NFKB2: variants seen among roughly 807,000 people sequenced by gnomAD.
NFKB2 encodes nuclear factor NF-kappa-B p100 subunit.
Under a neutral mutation model 109.3 loss-of-function variants are expected in NFKB2, and 21 were observed. The observed-to-expected ratio is 0.19, with a 90% CI of 0.14 to 0.28. The LOEUF is 0.28. Among genes scored for constraint, NFKB2 ranks in the 10% least tolerant of loss-of-function variants. The pLI is 1.00. For missense variants in NFKB2, 806 were observed against 1,185.3 expected, an observed-to-expected ratio of 0.68 and a Z score of 4.70; for synonymous variants, 478 against 489.9, an observed-to-expected ratio of 0.98 and a Z score of 0.32.
chr10:102,399,473 C>A lies in NFKB2; in HGVS notation c.1303C>A (p.Gln435Lys), dbSNP rs2061183115. 8 of 1,496,908 alleles carry A rather than the reference C, an allele frequency of 5.3e-6. No individual in the cohort carries two copies. Among genetic ancestry groups the A allele is most frequent in the Non-Finnish European group, 7.1e-6 (8 of 1,121,454 alleles). 92.7% of individuals were successfully genotyped at this position (1,496,908 alleles called of 1,614,324 possible). The stretch of plus-strand genomic sequence containing the variant: ...CTCCAGGACCCCCCAGTGCGAGCCG[C>A]AGGCCCCGGAGATGCTGCAGCGAGG... ...APSRTPQCEPQAPEMLQRARE... is the reference protein window; with the variant it reads ...APSRTPQCEPKAPEMLQRARE... The change falls in exon 13 of 23, where the codon CAG becomes AAG. Residue 435 changes from glutamine (Q) to lysine (K), a missense_variant. By Grantham distance (53) the Gln-to-Lys change is moderately conservative. Around this residue, in one of 10 missense-constraint regions of NFKB2, gnomAD observed 209 missense variants for 211.9 expected, o/e 0.99. Coordinates refer to ENST00000661543, the MANE Select transcript of NFKB2 (RefSeq NM_001322934.2).
chr10:102,396,081 G>A lies in NFKB2; in HGVS notation c.21+101G>A. 6.5e-7 allele frequency: 1 copy of A among 1,531,726 alleles called. No homozygotes were observed. The highest frequency in any genetic ancestry group is 2.3e-5 in the East Asian group (1 of 44,300). 94.9% of individuals were successfully genotyped at this position (1,531,726 alleles called of 1,614,324 possible). On this transcript the variant is annotated intron_variant, in intron 2 of 22. Coordinates refer to ENST00000661543, the MANE Select transcript of NFKB2 (RefSeq NM_001322934.2). This position sits in a 1 kb window ranked among gnomAD's most constrained non-coding sequence, Gnocchi z 5.9. ...GCTGCCTTACACCTGTATGCTCGCAGATGCTCTCAGCCTGCCAGTCTGTCC... is the reference window on the plus strand; with the variant it reads ...GCTGCCTTACACCTGTATGCTCGCAAATGCTCTCAGCCTGCCAGTCTGTCC...
At position 102,396,160 on chromosome 10, in the gene NFKB2, G is replaced by A. The variant is rs1037624530; in HGVS notation, c.22-93G>A. ...AGCTTTCTCTTGGGTCTGAGGAGGA[G>A]GGGGGAGTGACCACTGAAGACTTGG... On this transcript the variant is annotated intron_variant, in intron 2 of 22. Transcript: ENST00000661543. The surrounding 1 kb of genome is among the most constrained non-coding windows in gnomAD (Gnocchi z 5.9). 2 of 1,469,786 alleles carry A rather than the reference G, an allele frequency of 1.4e-6. No homozygotes were observed. The highest frequency in any genetic ancestry group is 1.4e-5 in the African/African-American group (1 of 72,124). 91.0% of individuals were successfully genotyped at this position (1,469,786 alleles called of 1,614,324 possible).
At chr10:102,394,859 CCACCGGTG>C (rs1437382810), upstream of NFKB2, 1 of 152,344 alleles carries the variant, frequency 6.6e-6, no homozygotes, top group African/African-American at 2.4e-5. Flanking sequence ...GGAGACGTGC[CCACCGGTG>C]CACTGGTGCC....
Position 102,399,394 on chromosome 10 carries a change from C to A in NFKB2, c.1224C>A (p.Ala408=), listed in dbSNP as rs1260120488. ...YPGGGGGAQM[A]ATVPSRDSGE... ...GAGGCGGGGGCGGGGCGCAGATGGCCGCCACGGTGCCCAGCAGGGACTCCG... is the reference window on the plus strand; with the variant it reads ...GAGGCGGGGGCGGGGCGCAGATGGCAGCCACGGTGCCCAGCAGGGACTCCG... Residue 408 remains alanine (A), a synonymous_variant, in exon 13 of 23, where the codon GCC becomes GCA. Coordinates refer to ENST00000661543, the MANE Select transcript of NFKB2 (RefSeq NM_001322934.2). The A allele has an allele frequency of 6.5e-7, 1 of 1,540,736 alleles. No individual in the cohort carries two copies. The highest frequency in any genetic ancestry group is 8.8e-7 in the Non-Finnish European group (1 of 1,142,302).
rs1297472674 is a variant in NFKB2 at position 102,396,291 on chromosome 10, G to C, written c.60G>C (p.Leu20Phe). 6.2e-7 allele frequency: 1 copy of C among 1,613,058 alleles called. No individual in the cohort carries two copies. The highest frequency in any genetic ancestry group is 1.7e-5 in the Admixed American group (1 of 59,990). ...TTATTGAATATGATGATTTCAAATT[G>C]AACTCCTCCATTGTGGAACCCAAGG... Reference protein sequence around the residue: ...DGIIEYDDFKLNSSIVEPKEP... With the variant: ...DGIIEYDDFKFNSSIVEPKEP... The change falls in exon 3 of 23, where the codon TTG (leucine) becomes TTC (phenylalanine). Residue 20 changes from leucine (L) to phenylalanine (F), a missense_variant. This residue lies in a region of NFKB2 where 39 missense variants were observed against 35.6 expected (regional missense o/e 1.09). Transcript: ENST00000661543. The surrounding 1 kb of genome is among the most constrained non-coding windows in gnomAD (Gnocchi z 5.9).
At chr10:102,394,977 C>T (rs36226956), upstream of NFKB2, among the ~76,000 whole-genome samples, 2 of 152,116 alleles carry the variant, frequency 1.3e-5, no homozygotes, top group African/African-American at 4.8e-5. Context: ...GCTCGGGATT[C>T]ACCTATCTAC....
In NFKB2 at chr10:102,397,116, C is replaced by A. The variant is rs2061129457; in HGVS notation, c.395+61C>A. 1.8e-5 allele frequency: 29 copies of A among 1,586,034 alleles called. No individual in the cohort carries two copies. The highest frequency in any genetic ancestry group is 2.2e-5 in the Non-Finnish European group (26 of 1,161,224). On this transcript the variant is annotated intron_variant, in intron 6 of 22. Coordinates refer to ENST00000661543, the MANE Select transcript of NFKB2 (RefSeq NM_001322934.2). The surrounding 1 kb of genome is among the most constrained non-coding windows in gnomAD (Gnocchi z 4.7). ...CCCGTCTGCCAGTCCCAGGCCCCAGCCCACCTCCATGAGCTTAGCATCTGA... is the reference window on the plus strand; with the variant it reads ...CCCGTCTGCCAGTCCCAGGCCCCAGACCACCTCCATGAGCTTAGCATCTGA...
chr10:102,395,591 C>A, upstream of NFKB2: 1 of 422,452 alleles, frequency 2.4e-6, no homozygotes, highest in Admixed American at 3.8e-5. Context: ...CGTAGACTGT[C>A]GAGGGCCTCC....
Position 102,397,153 on chromosome 10 carries a change from G to C in NFKB2, c.395+98G>C. ...AGCTTAGCATCTGACCAAGGGGAAA[G>C]ATGTAGGTTGGCCCCAAACCCAAGG... On this transcript the variant is annotated intron_variant, in intron 6 of 22. Transcript: ENST00000661543. This position sits in a 1 kb window ranked among gnomAD's most constrained non-coding sequence, Gnocchi z 4.7. 6.4e-7 allele frequency: 1 copy of C among 1,562,708 alleles called. No individual in the cohort carries two copies. The highest frequency in any genetic ancestry group is 1.2e-5 in the South Asian group (1 of 84,850).
Position 102,400,297 on chromosome 10 carries a change from T to C in NFKB2, c.1604T>C (p.Val535Ala), listed in dbSNP as rs775033524. ...CCCCAGACGCCCCTGCACCTGGCGG[T>C]GATCACGGGGCAGACGAGTGTGGTG... ...HLHQTPLHLA[V>A]ITGQTSVVSF... The change falls in exon 16 of 23, where the codon GTG (valine) becomes GCG (alanine). Residue 535 changes from valine to alanine, a missense_variant. Val to Ala is a moderately conservative substitution (Grantham distance 64, BLOSUM62 0). Coordinates refer to ENST00000661543, the MANE Select transcript of NFKB2 (RefSeq NM_001322934.2). The surrounding 1 kb of genome is among the most constrained non-coding windows in gnomAD (Gnocchi z 6.3). 5.0e-6 allele frequency: 8 copies of C among 1,613,874 alleles called. No homozygotes were observed. The highest frequency in any genetic ancestry group is 6.8e-6 in the Non-Finnish European group (8 of 1,179,962).
chr10:102,398,556 C>G lies in NFKB2; in HGVS notation c.991+33C>G. 6.2e-7 allele frequency: 1 copy of G among 1,609,866 alleles called. No homozygotes were observed. The highest frequency in any genetic ancestry group is 2.2e-5 in the East Asian group (1 of 44,812). On this transcript the variant is annotated intron_variant, in intron 11 of 22. Transcript: ENST00000661543. The surrounding 1 kb of genome is among the most constrained non-coding windows in gnomAD (Gnocchi z 6.6). Reference sequence around the variant, plus strand: ...TGGGCTGAGGACCTCAGGGTGCTGGCGGGGGGCCAGGCTGGGCTAGAAGAA... The same window carrying G: ...TGGGCTGAGGACCTCAGGGTGCTGGGGGGGGGCCAGGCTGGGCTAGAAGAA...
intron 1 of NFKB2, 21 bp downstream of exon 1, chr10:102,395,817 T>G: frequency 6.3e-6 from 2 of 317,146 alleles, no homozygotes; most frequent in Non-Finnish European, 1.1e-5. Context: ...CCCCCAAATC[T>G]GGGCCCCCAT....
chr10:102,397,207 T>A lies in NFKB2; in HGVS notation c.396-95T>A. 1 of 1,534,050 alleles carries A rather than the reference T, an allele frequency of 6.5e-7. No homozygotes were observed. The highest frequency in any genetic ancestry group is 1.2e-5 in the South Asian group (1 of 85,558). ...TAAGTAGAAACTCCAATGGCTTCCT[T>A]GAGGAAGTAAGGCTGAGCTGAGCCC... On this transcript the variant is annotated intron_variant, in intron 6 of 22. Coordinates refer to ENST00000661543, the MANE Select transcript of NFKB2 (RefSeq NM_001322934.2). The surrounding 1 kb of genome is among the most constrained non-coding windows in gnomAD (Gnocchi z 4.7).
In NFKB2 at chr10:102,396,955, A is replaced by T. The variant is rs2135429749; in HGVS notation, c.295A>T (p.Ser99Cys). ...AKIEVDLVTH[S>C]DPPRAHAHSL... is the part of the protein sequence containing the mutation. ...GATCGAGGTGGACCTGGTAACACACAGTGACCCACCTCGTGCTCATGCCCA... is the reference window on the plus strand; with the variant it reads ...GATCGAGGTGGACCTGGTAACACACTGTGACCCACCTCGTGCTCATGCCCA... The change falls in exon 6 of 23, where the codon AGT (serine) becomes TGT (cysteine). Residue 99 changes from serine (S) to cysteine (C), a missense_variant. Ser to Cys is a moderately radical substitution (Grantham distance 112, BLOSUM62 -1). This residue lies in a region of NFKB2 where 24 missense variants were observed against 105.2 expected (regional missense o/e 0.23). Coordinates refer to ENST00000661543, the MANE Select transcript of NFKB2 (RefSeq NM_001322934.2). This position sits in a 1 kb window ranked among gnomAD's most constrained non-coding sequence, Gnocchi z 5.9. 8.7e-6 allele frequency: 14 copies of T among 1,613,226 alleles called. No individual in the cohort carries two copies. The highest frequency in any genetic ancestry group is 1.3e-5 in the African/African-American group (1 of 75,046).
chr10:102,398,410 C>G lies in NFKB2; in HGVS notation c.878C>G (p.Pro293Arg). The G allele has an allele frequency of 6.2e-7, 1 of 1,614,154 alleles. No individual in the cohort carries two copies. The highest frequency in any genetic ancestry group is 8.5e-7 in the Non-Finnish European group (1 of 1,180,032). ...TATGCCATTGTGTTCCGGACACCCCCCTATCACAAGATGAAGATTGAGCGG... is the reference window on the plus strand; with the variant it reads ...TATGCCATTGTGTTCCGGACACCCCGCTATCACAAGATGAAGATTGAGCGG... ...KQYAIVFRTP[P>R]YHKMKIERPV... The change falls in exon 11 of 23, where the codon CCC (proline) becomes CGC (arginine). Residue 293 changes from proline to arginine, a missense_variant. By Grantham distance (103) the Pro-to-Arg change is moderately radical. Around this residue, in one of 10 missense-constraint regions of NFKB2, gnomAD observed 64 missense variants for 177.4 expected, o/e 0.36. Transcript: ENST00000661543. The surrounding 1 kb of genome is among the most constrained non-coding windows in gnomAD (Gnocchi z 6.6).
chr10:102,400,540 G>C lies in NFKB2; in HGVS notation c.1798+49G>C, dbSNP rs1426452575. On this transcript the variant is annotated intron_variant, in intron 16 of 22. Coordinates refer to ENST00000661543, the MANE Select transcript of NFKB2 (RefSeq NM_001322934.2). The surrounding 1 kb of genome is among the most constrained non-coding windows in gnomAD (Gnocchi z 6.3). ...TAAGGGGGCAGGCGGGGACCAGGGAGGGTATCTGGCCAGTGCCCAGAATGG... is the reference window on the plus strand; with the variant it reads ...TAAGGGGGCAGGCGGGGACCAGGGACGGTATCTGGCCAGTGCCCAGAATGG... 1.9e-6 allele frequency: 3 copies of C among 1,588,382 alleles called. No homozygotes were observed. The highest frequency in any genetic ancestry group is 1.3e-5 in the African/African-American group (1 of 74,278).
In NFKB2 at chr10:102,396,519, G is replaced by A. The variant is rs1250570879; in HGVS notation, c.144+30G>A. ...GTGAGCAAAAGGGAGGGTGTGGAAT[G>A]GCTTCAGCTTTGGGGACAAATGGGG... On this transcript the variant is annotated intron_variant, in intron 4 of 22. Coordinates refer to ENST00000661543, the MANE Select transcript of NFKB2 (RefSeq NM_001322934.2). The surrounding 1 kb of genome is among the most constrained non-coding windows in gnomAD (Gnocchi z 5.9). 2 of 1,613,486 alleles carry A rather than the reference G, an allele frequency of 1.2e-6. No homozygotes were observed. Among genetic ancestry groups the A allele is most frequent in the Non-Finnish European group, 1.7e-6 (2 of 1,180,016 alleles).
rs1229082514 is a variant in NFKB2, at chr10:102,399,677, A to G, written c.1428A>G (p.Gly476=). The stretch of plus-strand genomic sequence containing the variant: ...CGGACGCGCGCGCGCTGCTGGCGGG[A>G]CAGCGCCACCTGCTGACGGCGCAGG... The part of the protein sequence containing the change: ...VTADARALLA[G]QRHLLTAQDE... Residue 476 remains glycine (G), a synonymous_variant, in exon 14 of 23, where the codon GGA becomes GGG. Transcript: ENST00000661543. 13 of 1,522,070 alleles carry G rather than the reference A, an allele frequency of 8.5e-6. No homozygotes were observed. Among genetic ancestry groups the G allele is most frequent in the Non-Finnish European group, 1.1e-5 (13 of 1,132,856 alleles). 94.3% of individuals were successfully genotyped at this position (1,522,070 alleles called of 1,614,324 possible). A position where few individuals can be genotyped will look rare whatever the true frequency, so the allele number is the denominator to read the frequency against.
Position 102,400,198 on chromosome 10 carries a change from CG to C in NFKB2, c.1584+9del, listed in dbSNP as rs935753166. On this transcript the variant is annotated splice_donor_5th_base_variant and intron_variant, in intron 15 of 22. Transcript: ENST00000661543. This position sits in a 1 kb window ranked among gnomAD's most constrained non-coding sequence, Gnocchi z 6.3. ...CCTCACCAACCACCTGCACCAGGTG[CG>C]GGGGCGCCTACTGGGGAGGTGGGAG... The C allele has an allele frequency of 1.9e-6, 3 of 1,613,774 alleles. No individual in the cohort carries two copies. Among genetic ancestry groups the C allele is most frequent in the Non-Finnish European group, 2.5e-6 (3 of 1,179,854 alleles).
Sources: allele counts gnomAD v4.1 joint callset (sites outside exome capture counted in the v4.1 genomes callset), GRCh38; gene constraint gnomAD v4.1.1; regional missense constraint gnomAD v4.1.1; non-coding constraint Gnocchi (gnomAD v3.1); transcripts MANE v1.5; gene names NCBI Gene and HGNC (gene_info 2026-07-23, HGNC 2026-07-21).